Variants in CDH6 observed in about 807,000 individuals in gnomAD.
The protein encoded by CDH6 is cadherin-6.
CDH6 carries 31 observed loss-of-function variants against 78.0 expected under a neutral mutation model. That is an observed-to-expected ratio of 0.40 (90% CI 0.30 to 0.54). CDH6 has a LOEUF of 0.54. Ranked by LOEUF, CDH6 falls within the 20% of genes least tolerant of loss-of-function variation. CDH6 has a pLI of 0.56. For synonymous variants in CDH6, 376 were observed against 368.8 expected (o/e 1.02, Z -0.23); for missense variants, 724 against 975.9 (o/e 0.74, Z 3.44).
At chr5:31,274,964 C>T (rs936564026) in intron 2 of CDH6, among the ~76,000 whole-genome samples, 4 of 152,164 alleles carry the variant, frequency 2.6e-5, no homozygotes, top group Admixed American at 2.0e-4. Flanking sequence ...GAGAGGCTCC[C>T]GTGCTCATTT....
chr5:31,309,957 G>A (rs1244221502), intron 7 of CDH6, among the ~76,000 whole-genome samples: 1 of 152,180 alleles, frequency 6.6e-6, no homozygotes, highest in African/African-American at 2.4e-5. Context: ...GGGACACAGA[G>A]CCAAACCATA....
At chr5:31,216,345 G>A (rs1486642162) in intron 1 of CDH6, among the ~76,000 whole-genome samples, 2 of 152,036 alleles carry the variant, frequency 1.3e-5, no homozygotes, top group South Asian at 2.1e-4. Flanking sequence ...GCCTGCTTTT[G>A]TGTGGCCTGC....
chr5:31,232,801 T>C (rs1741347884), intron 1 of CDH6, among the ~76,000 whole-genome samples: 2 of 152,238 alleles, frequency 1.3e-5, no homozygotes, highest in African/African-American at 4.8e-5. Context: ...GCAACACTTA[T>C]ATGGCACTTA....
chr5:31,248,534 C>G (rs921174893), intron 1 of CDH6, among the ~76,000 whole-genome samples: 1 of 152,154 alleles, frequency 6.6e-6, no homozygotes, highest in Non-Finnish European at 1.5e-5. Flanking sequence ...ACTTTAAGGA[C>G]TTGTTTTAGA....
intron 11 of CDH6, chr5:31,318,663 C>T (rs1738396017): frequency 4.4e-6 from 1 of 229,716 alleles, no homozygotes; most frequent in Non-Finnish European, 8.6e-6. Context: ...AGGTCCTTGA[C>T]TGTGAACTAA....
chr5:31,239,862 G>C (rs1322250892), intron 1 of CDH6, among the ~76,000 whole-genome samples: 1 of 152,144 alleles, frequency 6.6e-6, no homozygotes, highest in African/African-American at 2.4e-5. Flanking sequence ...CACTTTATCA[G>C]GGGATGGTCT....
intron 1 of CDH6, among the ~76,000 whole-genome samples, chr5:31,236,309 A>G (rs1741452669): frequency 6.6e-6 from 1 of 152,216 alleles, no homozygotes; most frequent in Non-Finnish European, 1.5e-5. Context: ...GTTTACTAAT[A>G]ACCACCTCAA....
Position 31,325,321 on chromosome 5 carries a change from TACACACACACAC to T in CDH6, c.*2036_*2047del, listed in dbSNP as rs3840334. On this transcript the variant is annotated 3_prime_UTR_variant, in exon 12 of 12. Coordinates refer to ENST00000265071, the MANE Select transcript of CDH6 (RefSeq NM_004932.4). ...TTTTCTAGTTCTTCATACACACACA[TACACACACACAC>T]ACACACACACACACACACACACGAA... is the stretch of plus-strand genomic sequence containing the variant. 109 of 223,806 alleles carry T rather than the reference TACACACACACAC, an allele frequency of 4.9e-4. No individual in the cohort carries two copies. Among genetic ancestry groups the T allele is most frequent in the South Asian group, 1.5e-3 (8 of 5,258 alleles). The allele number at this position is 223,806 out of a possible 1,614,324, so 13.9% of individuals were successfully genotyped here.
At chr5:31,317,242 T>A (rs1285925269) in intron 9 of CDH6, 133 bp from the exon 10 acceptor site, 2 of 593,362 alleles carry the variant, frequency 3.4e-6, no homozygotes, top group African/African-American at 1.9e-5. Flanking sequence ...GCAGATTCAC[T>A]GTATATTACT....
rs532502145 is a variant in CDH6, at chr5:31,305,479, T to C, written c.1253+52T>C. On this transcript the variant is annotated intron_variant, in intron 7 of 11. Transcript: ENST00000265071. Reference sequence around the variant, plus strand: ...TTTCATAAGCTTCAGTCAATTTATATTCAAATATCTGCCTGCACTTGAGAA... The same window carrying C: ...TTTCATAAGCTTCAGTCAATTTATACTCAAATATCTGCCTGCACTTGAGAA... 1.6e-4 allele frequency: 245 copies of C among 1,541,020 alleles called. 1 individual carries two copies. In the South Asian group the frequency reaches 2.8e-3, roughly 17 times the overall value.
chr5:31,302,796 GAGAGAAAGAA>G lies in CDH6; in HGVS notation c.999+502_999+511del, dbSNP rs1277340741. 6.9e-3 allele frequency among the ~76,000 whole-genome samples: 216 copies of G among 31,134 alleles called. 1 individual carries two copies. The highest frequency in any genetic ancestry group is 0.021 in the African/African-American group (201 of 9,516). 20.4% of individuals were successfully genotyped at this position (31,134 alleles called of 152,430 possible). Reference sequence around the variant, plus strand: ...AAGAAGAAAGAGAGAGAGAGAGAGAGAGAGAAAGAAAGAAAGAAAGAAAGAAAGAAAGAAA... The same window carrying G: ...AAGAAGAAAGAGAGAGAGAGAGAGAGAGAAAGAAAGAAAGAAAGAAAGAAA... On this transcript the variant is annotated intron_variant, in intron 6 of 11. Coordinates refer to ENST00000265071, the MANE Select transcript of CDH6 (RefSeq NM_004932.4).
Position 31,216,233 on chromosome 5 carries a change from C to G in CDH6, c.-129+22347C>G, listed in dbSNP as rs186661631. ...CAATCTAATGCTTATTTTGTCAATT[C>G]AGTTGCACGTAAACATTACTGTACA... On this transcript the variant is annotated intron_variant, in intron 1 of 11. Transcript: ENST00000265071. Among the ~76,000 whole-genome samples, 27 of 151,648 alleles carry G rather than the reference C, an allele frequency of 1.8e-4. No individual in the cohort carries two copies. In the East Asian group the frequency reaches 5.1e-3, roughly 28 times the overall value.
intron 1 of CDH6, among the ~76,000 whole-genome samples, chr5:31,200,347 C>T (rs1215281175): frequency 6.6e-6 from 1 of 151,992 alleles, no homozygotes; most frequent in Non-Finnish European, 1.5e-5. Context: ...CTCAACCTCA[C>T]AGCACCCACT....
At chr5:31,281,782 G>A (rs999669165) in intron 2 of CDH6, among the ~76,000 whole-genome samples, 1 of 152,164 alleles carries the variant, frequency 6.6e-6, no homozygotes, top group African/African-American at 2.4e-5. Context: ...ATACAGAAAT[G>A]TTTATAATCA....
chr5:31,286,100 T>C (rs1304336258), intron 2 of CDH6, among the ~76,000 whole-genome samples: 3 of 152,220 alleles, frequency 2.0e-5, no homozygotes, highest in Admixed American at 2.0e-4. Flanking sequence ...TTATCCAATT[T>C]AATTTTTACA....
At chr5:31,247,854 A>G (rs952204775) in intron 1 of CDH6, among the ~76,000 whole-genome samples, 4 of 152,172 alleles carry the variant, frequency 2.6e-5, no homozygotes, top group African/African-American at 9.7e-5. Context: ...CTCTAATTGC[A>G]TTAGCAAAAT....
At chr5:31,301,267 A>T (rs1737756216) in intron 5 of CDH6, among the ~76,000 whole-genome samples, 1 of 152,236 alleles carries the variant, frequency 6.6e-6, no homozygotes, top group African/African-American at 2.4e-5. Flanking sequence ...AGACTGTTTA[A>T]ATTCTTTTCA....
chr5:31,269,421 T>C (rs6873394), intron 2 of CDH6, among the ~76,000 whole-genome samples: 144,295 of 152,168 alleles, frequency 0.95, 68,823 homozygotes, highest in East Asian at 1. Flanking sequence ...TCCGAGAATG[T>C]GTCACAGTGC....
At chr5:31,199,287 C>T (rs1385655249) in intron 1 of CDH6, among the ~76,000 whole-genome samples, 1 of 150,324 alleles carries the variant, frequency 6.7e-6, no homozygotes, top group African/African-American at 2.4e-5. Context: ...TATACACACA[C>T]ATATATATAG....
Sources: allele counts gnomAD v4.1 joint callset (sites outside exome capture counted in the v4.1 genomes callset), GRCh38; gene constraint gnomAD v4.1.1; transcripts MANE v1.5; gene names NCBI Gene and HGNC (gene_info 2026-07-23, HGNC 2026-07-21).